Variants in JAKMIP2 observed in about 807,000 individuals in gnomAD.
JAKMIP2 encodes the protein janus kinase and microtubule interacting protein 2.
Under a neutral mutation model 115.0 loss-of-function variants are expected in JAKMIP2, and 25 were observed. The observed-to-expected ratio is 0.22, with a 90% CI of 0.16 to 0.30. The LOEUF (loss-of-function observed/expected upper bound fraction) is 0.30, where lower values mean the gene tolerates loss of function less well. JAKMIP2 is among the 10% of genes least tolerant of loss of function. The probability of loss-of-function intolerance (pLI) is 1.00; values close to 1 mark genes in which losing one functional copy is unlikely to be tolerated. For missense variants in JAKMIP2, 642 were observed against 957.6 expected (o/e 0.67, Z 4.35); for synonymous variants, 334 against 343.6 (o/e 0.97, Z 0.31).
chr5:147,755,042 G>A (rs1283866966), intron 1 of JAKMIP2, among the ~76,000 whole-genome samples: 4 of 152,098 alleles, frequency 2.6e-5, no homozygotes, highest in African/African-American at 9.7e-5. Context: ...CTATAGAGTT[G>A]GAGCGTTATT....
At chr5:147,645,326 C>T (rs1758083462) in intron 5 of JAKMIP2, among the ~76,000 whole-genome samples, 2 of 152,142 alleles carry the variant, frequency 1.3e-5, no homozygotes, top group African/African-American at 4.8e-5. Context: ...CTCCACCGTG[C>T]TCAGCTGCAA....
Position 147,590,023 on chromosome 5 carries a change from G to C in JAKMIP2, c.*1684C>G, listed in dbSNP as rs1432743891. On this transcript the variant is annotated 3_prime_UTR_variant, in exon 22 of 22. Transcript: ENST00000616793. Reference sequence around the variant, plus strand: ...GCAGATGAGGAAACTGAGGCACAGAGAGGTTAAGTGACTGGGCCAAAGATA... The same window carrying C: ...GCAGATGAGGAAACTGAGGCACAGACAGGTTAAGTGACTGGGCCAAAGATA... The C allele has an allele frequency of 6.6e-6, 1 of 152,240 alleles. No homozygotes were observed. The highest frequency in any genetic ancestry group is 1.5e-5 in the Non-Finnish European group (1 of 68,058). The allele number at this position is 152,240 out of a possible 1,614,324, so 9.4% of individuals were successfully genotyped here.
chr5:147,743,518 T>A (rs1754228581), intron 1 of JAKMIP2, among the ~76,000 whole-genome samples: 1 of 152,240 alleles, frequency 6.6e-6, no homozygotes, highest in Non-Finnish European at 1.5e-5. Flanking sequence ...AGGTTGAGGT[T>A]TGACACACAG....
intron 1 of JAKMIP2, among the ~76,000 whole-genome samples, chr5:147,678,218 G>T (rs1286196465): frequency 6.6e-6 from 1 of 152,110 alleles, no homozygotes; most frequent in Admixed American, 6.5e-5. Flanking sequence ...TGTTCAGGCT[G>T]GTCTCGAACT....
intron 1 of JAKMIP2, among the ~76,000 whole-genome samples, chr5:147,760,787 A>G (rs1754906078): frequency 6.6e-6 from 1 of 152,142 alleles, no homozygotes; most frequent in Admixed American, 6.6e-5. Flanking sequence ...GCCTATTTAT[A>G]TGCTGATGTG....
intron 1 of JAKMIP2, among the ~76,000 whole-genome samples, chr5:147,735,292 A>T (rs1753878538): frequency 6.6e-6 from 1 of 152,152 alleles, no homozygotes; most frequent in African/African-American, 2.4e-5. Flanking sequence ...GCGCTCTTCA[A>T]ATGTTGCTTA....
chr5:147,623,041 C>A (rs1021671339), intron 17 of JAKMIP2, among the ~76,000 whole-genome samples: 1 of 152,090 alleles, frequency 6.6e-6, no homozygotes, highest in African/African-American at 2.4e-5. Context: ...TTGCCTCAGC[C>A]CCCTGAGTAG....
chr5:147,703,144 T>C (rs1429337664), intron 1 of JAKMIP2, among the ~76,000 whole-genome samples: 4 of 152,108 alleles, frequency 2.6e-5, no homozygotes, highest in Non-Finnish European at 4.4e-5. Context: ...AAGGGAGATA[T>C]ATTCTGAGGA....
chr5:147,782,651 A>AGGCGGC lies in JAKMIP2; in HGVS notation c.-350_-345dup, dbSNP rs199904559. On this transcript the variant is annotated 5_prime_UTR_variant, in exon 1 of 22. Coordinates refer to ENST00000616793, the MANE Select transcript of JAKMIP2 (RefSeq NM_001270941.2). ...AGCCCCACTAGAGTATCAGCAATAG[A>AGGCGGC]GGCGGCGGCGGCGGCAGCAGCAGCA... The AGGCGGC allele has an allele frequency of 6.1e-6, 4 of 653,416 alleles. No homozygotes were observed. Among genetic ancestry groups the AGGCGGC allele is most frequent in the African/African-American group, 3.7e-5 (2 of 54,172 alleles). The allele number at this position is 653,416 out of a possible 1,614,324, so 40.5% of individuals were successfully genotyped here. A position where few individuals can be genotyped will look rare whatever the true frequency, so the allele number is the denominator to read the frequency against.
chr5:147,619,211 G>A (rs1006906732), intron 18 of JAKMIP2, among the ~76,000 whole-genome samples: 2 of 152,100 alleles, frequency 1.3e-5, no homozygotes, highest in African/African-American at 4.8e-5. Context: ...CCTGGGCTAA[G>A]CAGGTCTCAT....
At chr5:147,659,980 G>A (rs1037977870) in intron 3 of JAKMIP2, among the ~76,000 whole-genome samples, 4 of 152,122 alleles carry the variant, frequency 2.6e-5, no homozygotes, top group African/African-American at 7.2e-5. Flanking sequence ...GAAAGTAATT[G>A]CTTAGAACTA....
At chr5:147,634,648 C>G (rs2126696847) in intron 12 of JAKMIP2, among the ~76,000 whole-genome samples, 1 of 152,272 alleles carries the variant, frequency 6.6e-6, no homozygotes, top group East Asian at 1.9e-4. Context: ...TATAGGGTCG[C>G]TTAACCTTCC....
chr5:147,649,666 G>A (rs2126744071), intron 4 of JAKMIP2, among the ~76,000 whole-genome samples: 1 of 151,810 alleles, frequency 6.6e-6, no homozygotes, highest in Admixed American at 6.6e-5. Context: ...TATTTATTCT[G>A]AATATCAATT....
At chr5:147,645,775 G>A (rs1307412953) in intron 5 of JAKMIP2, among the ~76,000 whole-genome samples, 3 of 152,110 alleles carry the variant, frequency 2.0e-5, no homozygotes, top group Non-Finnish European at 4.4e-5. Flanking sequence ...CTTGGCCTCT[G>A]CTGGCTAGAT....
chr5:147,599,098 T>C (rs976360552), intron 21 of JAKMIP2, among the ~76,000 whole-genome samples: 1 of 152,178 alleles, frequency 6.6e-6, no homozygotes, highest in African/African-American at 2.4e-5. Context: ...TTGAATTTAG[T>C]ATAATTTTGT....
intron 1 of JAKMIP2, among the ~76,000 whole-genome samples, chr5:147,676,062 G>T (rs542514391): frequency 2.0e-5 from 3 of 152,110 alleles, no homozygotes; most frequent in African/African-American, 7.2e-5. Context: ...GACCGGGTGC[G>T]GTGGCTCACG....
intron 1 of JAKMIP2, among the ~76,000 whole-genome samples, chr5:147,740,693 AC>A (rs1420531435): frequency 6.6e-6 from 1 of 152,182 alleles, no homozygotes; most frequent in Non-Finnish European, 1.5e-5. Context: ...CATAATGAAA[AC>A]TAAACTTGAA....
intron 1 of JAKMIP2, among the ~76,000 whole-genome samples, chr5:147,720,523 T>C (rs1753226176): frequency 6.7e-6 from 1 of 149,222 alleles, no homozygotes; most frequent in Non-Finnish European, 1.5e-5. Flanking sequence ...CATAGTCCCA[T>C]ATTTCTTGGA....
At chr5:147,648,522 A>G (rs1279742012) in intron 4 of JAKMIP2, 48 bp from the exon 5 acceptor site, 2 of 1,025,638 alleles carry the variant, frequency 2.0e-6, no homozygotes, top group South Asian at 1.3e-5. Flanking sequence ...CACTTTTCAC[A>G]AAGTTTGGGA....
Sources: gnomAD v4.1 joint callset for allele counts (sites outside exome capture counted in the v4.1 genomes callset) on GRCh38, gnomAD v4.1.1 for gene constraint, MANE v1.5 for transcripts, NCBI Gene and HGNC (gene_info 2026-07-23, HGNC 2026-07-21) for gene names.